Variants in GOLGA2 observed in about 807,000 individuals in gnomAD.
GOLGA2 encodes golgin A2.
Under a neutral mutation model 148.8 loss-of-function variants are expected in GOLGA2, and 49 were observed. The observed-to-expected ratio is 0.33, with a 90% CI of 0.26 to 0.42. GOLGA2 has a LOEUF of 0.42. Ranked by LOEUF, GOLGA2 falls within the 10% of genes least tolerant of loss-of-function variation. GOLGA2 has a pLI of 1.00. For missense variants in GOLGA2, 1,178 were observed against 1,304.6 expected (o/e 0.90, Z 1.49); for synonymous variants, 501 against 511.8 (o/e 0.98, Z 0.28).
At position 128,257,060 on chromosome 9, in the gene GOLGA2, C is replaced by T; in HGVS notation, c.*7G>A. On this transcript the variant is annotated 3_prime_UTR_variant, in exon 27 of 27. Transcript: ENST00000611957. The surrounding 1 kb of genome is among the most constrained non-coding windows in gnomAD (Gnocchi z 8.0). ...CTTCTTCAGGCTTTGCTGACAGTAG[C>T]CGGCTTTTAGATGACAGTGATCTTC... 6.2e-7 allele frequency: 1 copy of T among 1,604,532 alleles called. No homozygotes were observed. Among genetic ancestry groups the T allele is most frequent in the Non-Finnish European group, 8.5e-7 (1 of 1,172,900 alleles).
At chr9:128,267,910 T>G in intron 6 of GOLGA2, 24 bp downstream of exon 6, 11 of 1,543,330 alleles carry the variant, frequency 7.1e-6, no homozygotes, top group Non-Finnish European at 9.0e-6. Flanking sequence ...CCCACCCCGC[T>G]CTCGGCCTCA....
rs1830067485 is a variant in GOLGA2 at position 128,258,747 on chromosome 9, G to A, written c.2174-177C>T. 1.6e-6 allele frequency: 1 copy of A among 619,526 alleles called. No individual in the cohort carries two copies. Among genetic ancestry groups the A allele is most frequent in the African/African-American group, 1.9e-5 (1 of 54,044 alleles). The allele number at this position is 619,526 out of a possible 1,614,324, so 38.4% of individuals were successfully genotyped here. ...AGCCAAGGGCTCGCTATGCTGCCCA[G>A]GTGCAGTCCCACTACCGATCAGCAT... is the stretch of plus-strand genomic sequence containing the variant. On this transcript the variant is annotated intron_variant, in intron 21 of 26. Transcript: ENST00000611957. This position sits in a 1 kb window ranked among gnomAD's most constrained non-coding sequence, Gnocchi z 6.6.
At chr9:128,269,478 T>C (rs1279832880) in intron 3 of GOLGA2, among the ~76,000 whole-genome samples, 1 of 152,166 alleles carries the variant, frequency 6.6e-6, no homozygotes, top group Non-Finnish European at 1.5e-5. Context: ...GTAGGGCCTC[T>C]TTCCTGGGAA....
chr9:128,273,691 A>G, intron 2 of GOLGA2, 159 bp downstream of exon 2: 5 of 869,744 alleles, frequency 5.7e-6, no homozygotes, highest in Non-Finnish European at 8.9e-6. Context: ...CAAAAAGCTC[A>G]AGCAATTTGC....
At position 128,268,417 on chromosome 9, in the gene GOLGA2, A is replaced by T; in HGVS notation, c.393+3T>A. On this transcript the variant is annotated splice_donor_region_variant and intron_variant, in intron 4 of 26. Transcript: ENST00000611957. ...AGTGGGCAGAGGGGGAGGAGGCACG[A>T]ACCTGAGATGCCGCCATGCTAGTGA... The T allele has an allele frequency of 6.4e-7, 1 of 1,558,452 alleles. No homozygotes were observed. The highest frequency in any genetic ancestry group is 8.9e-7 in the Non-Finnish European group (1 of 1,129,672).
rs1367215578 is a variant in GOLGA2, at chr9:128,256,162, A to C, written c.*905T>G. The C allele has an allele frequency of 6.5e-6, 1 of 152,710 alleles. No individual in the cohort carries two copies. The highest frequency in any genetic ancestry group is 1.5e-5 in the Non-Finnish European group (1 of 68,088). 9.5% of individuals were successfully genotyped at this position (152,710 alleles called of 1,614,324 possible). A position where few individuals can be genotyped will look rare whatever the true frequency, so the allele number is the denominator to read the frequency against. ...TGCCTCAGCTGCCTCTCTGTGTAAG[A>C]AGATGGGAGCCCCCCTGAGGGAAAA... is the stretch of plus-strand genomic sequence containing the variant. On this transcript the variant is annotated 3_prime_UTR_variant, in exon 27 of 27. Coordinates refer to ENST00000611957, the MANE Select transcript of GOLGA2 (RefSeq NM_001366244.2).
rs866262453 is a variant in GOLGA2, at chr9:128,258,542, C to T, written c.2202G>A (p.Glu734=). The T allele has an allele frequency of 2.0e-6, 3 of 1,521,208 alleles. No individual in the cohort carries two copies. Among genetic ancestry groups the T allele is most frequent in the Non-Finnish European group, 2.7e-6 (3 of 1,127,746 alleles). The allele number at this position is 1,521,208 out of a possible 1,614,324, so 94.2% of individuals were successfully genotyped here. ...CCTCCTCCTCCTCCTCCTCCTCATC[C>T]TCCTCCTCCTCCCGGTCCAGTCCAT... ...EGDGLDREEE[E]DEEEEEEEAV... is the part of the protein sequence containing the mutation. The change falls in exon 22 of 27, where the codon GAG becomes GAA. Residue 734 remains glutamate (E), a synonymous_variant. Coordinates refer to ENST00000611957, the MANE Select transcript of GOLGA2 (RefSeq NM_001366244.2). The surrounding 1 kb of genome is among the most constrained non-coding windows in gnomAD (Gnocchi z 6.6).
chr9:128,261,976 G>A lies in GOLGA2; in HGVS notation c.1135-219C>T. The A allele has an allele frequency of 3.7e-6, 2 of 533,528 alleles. No individual in the cohort carries two copies. The highest frequency in any genetic ancestry group is 6.7e-6 in the Non-Finnish European group (2 of 299,434). 33.0% of individuals were successfully genotyped at this position (533,528 alleles called of 1,614,324 possible). A position where few individuals can be genotyped will look rare whatever the true frequency, so the allele number is the denominator to read the frequency against. On this transcript the variant is annotated intron_variant, in intron 14 of 26. Transcript: ENST00000611957. This position sits in a 1 kb window ranked among gnomAD's most constrained non-coding sequence, Gnocchi z 5.7. The stretch of plus-strand genomic sequence containing the variant: ...CTCAACACTTTGGGAGGCTGAGGTG[G>A]GTGGATTGCTTGAGCTCAGGAGTTC...
rs780605832 is a variant in GOLGA2, at chr9:128,258,533, CTCCTCA to C, written c.2205_2210del (p.Asp735_Glu736del). 1.1e-5 allele frequency: 17 copies of C among 1,575,466 alleles called. No homozygotes were observed. The African/African-American group carries it at 1.8e-4, about 17-fold the overall frequency. ...CTGCCACCGCCTCCTCCTCCTCCTC[CTCCTCA>C]TCCTCCTCCTCCTCCCGGTCCAGTC... On this transcript the variant is annotated inframe_deletion, in exon 22 of 27. Transcript: ENST00000611957. The surrounding 1 kb of genome is among the most constrained non-coding windows in gnomAD (Gnocchi z 6.6).
At chr9:128,273,355 G>A (rs988954653) in intron 2 of GOLGA2, among the ~76,000 whole-genome samples, 2 of 152,188 alleles carry the variant, frequency 1.3e-5, no homozygotes, top group African/African-American at 2.4e-5. Context: ...CTGTGGTCAC[G>A]CAGCAAGCTG....
chr9:128,258,348 G>A lies in GOLGA2; in HGVS notation c.2289+107C>T, dbSNP rs1047559039. On this transcript the variant is annotated intron_variant, in intron 22 of 26. Coordinates refer to ENST00000611957, the MANE Select transcript of GOLGA2 (RefSeq NM_001366244.2). The surrounding 1 kb of genome is among the most constrained non-coding windows in gnomAD (Gnocchi z 6.6). ...CTCACCACTGGCTCCCAGGAAAGGG[G>A]TGAGGGTCCGAAGAAATCAGAAGGC... The A allele has an allele frequency of 3.3e-6, 4 of 1,202,920 alleles. No homozygotes were observed. Among genetic ancestry groups the A allele is most frequent in the Non-Finnish European group, 4.9e-6 (4 of 821,344 alleles). The allele number at this position is 1,202,920 out of a possible 1,614,324, so 74.5% of individuals were successfully genotyped here.
In GOLGA2 at chr9:128,266,794, TA is replaced by T; in HGVS notation, c.642+399del. On this transcript the variant is annotated intron_variant, in intron 8 of 26. Coordinates refer to ENST00000611957, the MANE Select transcript of GOLGA2 (RefSeq NM_001366244.2). The surrounding 1 kb of genome is among the most constrained non-coding windows in gnomAD (Gnocchi z 4.2). Reference sequence around the variant, plus strand: ...ACTCTCAGAGCTAAGAGACCTTTGATACTCTCTAACTCTACCTCCTCAGGAA... The same window carrying T: ...ACTCTCAGAGCTAAGAGACCTTTGATCTCTCTAACTCTACCTCCTCAGGAA... The T allele has an allele frequency of 2.8e-6, 1 of 357,448 alleles. No homozygotes were observed. The highest frequency in any genetic ancestry group is 5.2e-6 in the Non-Finnish European group (1 of 194,122). 22.1% of individuals were successfully genotyped at this position (357,448 alleles called of 1,614,324 possible).
chr9:128,268,318 AG>A, intron 4 of GOLGA2, 101 bp downstream of exon 4: 1 of 1,018,318 alleles, frequency 9.8e-7, no homozygotes, highest in Non-Finnish European at 1.6e-6. Context: ...CCCGGTCCCC[AG>A]GAAGGGCCCT....
At chr9:128,275,697 G>T (rs1021292027) in intron 1 of GOLGA2, among the ~76,000 whole-genome samples, 196 bp downstream of exon 1, 9 of 152,066 alleles carry the variant, frequency 5.9e-5, no homozygotes, top group Non-Finnish European at 1.2e-4. Context: ...AAGTCACCCG[G>T]GGGCGACTGG....
At chr9:128,270,679 TG>T (rs1033339499) in intron 3 of GOLGA2, among the ~76,000 whole-genome samples, 9 of 151,734 alleles carry the variant, frequency 5.9e-5, no homozygotes, top group African/African-American at 2.2e-4. Flanking sequence ...AAAACTTACA[TG>T]GTAATAAAAA....
chr9:128,260,394 C>T lies in GOLGA2; in HGVS notation c.1758+71G>A. 1 of 1,333,608 alleles carries T rather than the reference C, an allele frequency of 7.5e-7. No homozygotes were observed. The highest frequency in any genetic ancestry group is 1.2e-5 in the South Asian group (1 of 80,502). 82.6% of individuals were successfully genotyped at this position (1,333,608 alleles called of 1,614,324 possible). ...TTCAAGTGAGGGCTACACTGCCCCA[C>T]TTTACAGGTGGGAAAACAAAGGTCT... On this transcript the variant is annotated intron_variant, in intron 18 of 26. Transcript: ENST00000611957. The surrounding 1 kb of genome is among the most constrained non-coding windows in gnomAD (Gnocchi z 4.8).
chr9:128,261,036 T>A lies in GOLGA2; in HGVS notation c.1420+136A>T. The A allele has an allele frequency of 1.4e-6, 1 of 740,428 alleles. No individual in the cohort carries two copies. The highest frequency in any genetic ancestry group is 1.6e-5 in the South Asian group (1 of 62,582). 45.9% of individuals were successfully genotyped at this position (740,428 alleles called of 1,614,324 possible). A position where few individuals can be genotyped will look rare whatever the true frequency, so the allele number is the denominator to read the frequency against. On this transcript the variant is annotated intron_variant, in intron 17 of 26. Transcript: ENST00000611957. This position sits in a 1 kb window ranked among gnomAD's most constrained non-coding sequence, Gnocchi z 5.7. ...TGAGGCTCATGGAGATGACGAGACTTGCCATCTCCTGGCACAGACCTCTTT... is the reference window on the plus strand; with the variant it reads ...TGAGGCTCATGGAGATGACGAGACTAGCCATCTCCTGGCACAGACCTCTTT...
intron 6 of GOLGA2, 34 bp downstream of exon 6, chr9:128,267,900 C>A (rs1324355548): frequency 6.5e-7 from 1 of 1,530,312 alleles, no homozygotes; most frequent in Non-Finnish European, 9.1e-7. Context: ...TTCCCTTCCC[C>A]CCACCCCGCT....
Position 128,257,779 on chromosome 9 carries a change from C to T in GOLGA2, c.2611+11G>A. On this transcript the variant is annotated intron_variant, in intron 24 of 26. Transcript: ENST00000611957. This position sits in a 1 kb window ranked among gnomAD's most constrained non-coding sequence, Gnocchi z 8.0. The stretch of plus-strand genomic sequence containing the variant: ...GCAGCTCCTCCTGCCGTGCCCTGGC[C>T]TCCCACTCACCAATGGTGTCTGTCT... 1.1e-5 allele frequency: 17 copies of T among 1,612,454 alleles called. No homozygotes were observed. The highest frequency in any genetic ancestry group is 1.4e-5 in the Non-Finnish European group (16 of 1,178,420).
Sources: gnomAD v4.1 joint callset for allele counts (sites outside exome capture counted in the v4.1 genomes callset) on GRCh38, gnomAD v4.1.1 for gene constraint, Gnocchi (gnomAD v3.1) non-coding constraint, MANE v1.5 for transcripts, NCBI Gene and HGNC (gene_info 2026-07-23, HGNC 2026-07-21) for gene names.